Variants in UBTD1 observed in about 807,000 individuals in gnomAD.
UBTD1 encodes the protein ubiquitin domain-containing protein 1.
A neutral mutation model predicts 21.7 loss-of-function variants in UBTD1; 19 were observed. The ratio of observed to expected loss-of-function variants is 0.87; its 90% confidence interval spans 0.61 to 1.28. UBTD1 has a LOEUF of 1.28. Ranked by LOEUF, UBTD1 falls within the 50% of genes most tolerant of loss-of-function variation. The pLI, the probability that UBTD1 is intolerant of heterozygous loss-of-function variation, is 0.00. For synonymous variants in UBTD1, 116 were observed against 135.1 expected (o/e 0.86, Z 0.98); for missense variants, 282 against 315.1 (o/e 0.89, Z 0.80).
chr10:97,559,777 C>T (rs558617508), intron 1 of UBTD1, among the ~76,000 whole-genome samples: 121 of 152,056 alleles, frequency 8.0e-4, no homozygotes, highest in African/African-American at 2.6e-3. Flanking sequence ...TCCAGTTCAC[C>T]GAAAAACTGG....
chr10:97,516,036 A>G (rs1370109162), intron 1 of UBTD1, among the ~76,000 whole-genome samples: 3 of 152,218 alleles, frequency 2.0e-5, no homozygotes, highest in East Asian at 1.9e-4. Context: ...ACAATGAAAG[A>G]AGTGACCCTC....
chr10:97,534,579 GCACACACA>G lies in UBTD1; in HGVS notation c.71-33309_71-33302del, dbSNP rs58308271. On this transcript the variant is annotated intron_variant, in intron 1 of 2. Coordinates refer to ENST00000370664, the MANE Select transcript of UBTD1 (RefSeq NM_024954.5). ...CACTAAGGAACACACACGCGCGCGC[GCACACACA>G]CACACACACACACACACACACACAC... Among the ~76,000 whole-genome samples, 525 of 144,958 alleles carry G rather than the reference GCACACACA, an allele frequency of 3.6e-3. 1 individual carries two copies. Among genetic ancestry groups the G allele is most frequent in the African/African-American group, 5.8e-3 (220 of 38,066 alleles).
At chr10:97,542,582 C>T (rs1270092989) in intron 1 of UBTD1, among the ~76,000 whole-genome samples, 1 of 152,204 alleles carries the variant, frequency 6.6e-6, no homozygotes. Context: ...AGACTGGGCC[C>T]CAGGCTGAGT....
chr10:97,546,482 G>A (rs905692752), intron 1 of UBTD1, among the ~76,000 whole-genome samples: 18 of 151,962 alleles, frequency 1.2e-4, no homozygotes, highest in Non-Finnish European at 2.5e-4. Flanking sequence ...CCCAGCTACT[G>A]GGGAAGCTGA....
At chr10:97,527,878 G>A (rs1423090048) in intron 1 of UBTD1, among the ~76,000 whole-genome samples, 1 of 152,218 alleles carries the variant, frequency 6.6e-6, no homozygotes, top group Non-Finnish European at 1.5e-5. Context: ...GCAACCATCC[G>A]ATTTCTCAAT....
intron 1 of UBTD1, among the ~76,000 whole-genome samples, chr10:97,554,434 A>G (rs576000383): frequency 2.0e-5 from 3 of 151,862 alleles, no homozygotes; most frequent in African/African-American, 7.3e-5. Flanking sequence ...TTTAGTAGAT[A>G]TGGTGTTTTT....
rs200375098 is a variant in UBTD1 at position 97,570,272 on chromosome 10, G to A, written c.433G>A (p.Val145Met). ...SLEPPEPPPS[V>M]RREFPLKVRL... ...GGAGCCCCCCGAGCCTCCACCCAGC[G>A]TGCGCCGTGAGTTCCCGCTGAAGGT... Residue 145 changes from valine to methionine, a missense_variant, in exon 3 of 3, where the codon GTG (valine) becomes ATG (methionine). Transcript: ENST00000370664. This position sits in a 1 kb window ranked among gnomAD's most constrained non-coding sequence, Gnocchi z 6.6. 72 of 1,613,138 alleles carry A rather than the reference G, an allele frequency of 4.5e-5. No individual in the cohort carries two copies. The East Asian group carries it at 7.1e-4, about 16-fold the overall frequency.
At chr10:97,534,410 A>G (rs1589875431) in intron 1 of UBTD1, among the ~76,000 whole-genome samples, 1 of 152,186 alleles carries the variant, frequency 6.6e-6, no homozygotes, top group East Asian at 1.9e-4. Flanking sequence ...AGCTAGAAAC[A>G]GTCTTTCCTT....
chr10:97,559,523 CA>C, intron 1 of UBTD1, among the ~76,000 whole-genome samples: 1 of 152,258 alleles, frequency 6.6e-6, no homozygotes, highest in East Asian at 1.9e-4. Context: ...GAAAACTCAA[CA>C]CCATTTTATA....
chr10:97,545,438 G>C (rs1341578286), intron 1 of UBTD1, among the ~76,000 whole-genome samples: 2 of 150,514 alleles, frequency 1.3e-5, no homozygotes, highest in African/African-American at 4.8e-5. Flanking sequence ...GTGGGTGTGT[G>C]TGTGTGTGTG....
At chr10:97,533,682 G>C (rs2040544576) in intron 1 of UBTD1, among the ~76,000 whole-genome samples, 1 of 152,082 alleles carries the variant, frequency 6.6e-6, no homozygotes, top group African/African-American at 2.4e-5. Context: ...CCAGCACTTT[G>C]GGGGACTGAG....
chr10:97,514,728 G>A (rs1165763253), intron 1 of UBTD1, among the ~76,000 whole-genome samples: 1 of 152,146 alleles, frequency 6.6e-6, no homozygotes, highest in Non-Finnish European at 1.5e-5. Context: ...TGATGAAGGA[G>A]TTGGTCTGGG....
rs770328909 is a variant in UBTD1, at chr10:97,568,013, C to T, written c.170C>T (p.Thr57Ile). The change falls in exon 2 of 3, where the codon ACA (threonine) becomes ATA (isoleucine). Residue 57 changes from threonine to isoleucine, a missense_variant. Thr to Ile is a moderately conservative substitution (Grantham distance 89). Coordinates refer to ENST00000370664, the MANE Select transcript of UBTD1 (RefSeq NM_024954.5). ...LRSKRDEFWD[T>I]APAFEGRKEI... ...AGCAAACGGGATGAGTTCTGGGACACAGCGCCTGCCTTCGAGGGCCGCAAG... is the reference window on the plus strand; with the variant it reads ...AGCAAACGGGATGAGTTCTGGGACATAGCGCCTGCCTTCGAGGGCCGCAAG... 3.5e-5 allele frequency: 56 copies of T among 1,614,006 alleles called. No homozygotes were observed. The highest frequency in any genetic ancestry group is 4.5e-5 in the Non-Finnish European group (53 of 1,180,056).
intron 1 of UBTD1, among the ~76,000 whole-genome samples, chr10:97,511,940 G>T (rs1349663861): frequency 6.6e-6 from 1 of 152,158 alleles, no homozygotes; most frequent in Non-Finnish European, 1.5e-5. Context: ...TGAGACACTT[G>T]CTCATGAGAG....
At chr10:97,510,569 A>G (rs141609062) in intron 1 of UBTD1, among the ~76,000 whole-genome samples, 1 of 152,180 alleles carries the variant, frequency 6.6e-6, no homozygotes, top group Non-Finnish European at 1.5e-5. Flanking sequence ...CATATTACCT[A>G]CTCAGTAAGC....
chr10:97,524,118 G>T (rs1042294158), intron 1 of UBTD1, among the ~76,000 whole-genome samples: 2 of 152,076 alleles, frequency 1.3e-5, no homozygotes, highest in Non-Finnish European at 2.9e-5. Flanking sequence ...GCTCCTTATG[G>T]GTTCCTCGCT....
rs566986189 is a variant in UBTD1, at chr10:97,563,489, G to T, written c.71-4425G>T. On this transcript the variant is annotated intron_variant, in intron 1 of 2. Transcript: ENST00000370664. ...GTGAGTAGATTGATAGTGTGGTGGA[G>T]ATAGGTAGGGAGAGGTAGAGAGTGA... 9.9e-5 allele frequency among the ~76,000 whole-genome samples: 15 copies of T among 152,258 alleles called. No individual in the cohort carries two copies. The East Asian group carries it at 2.9e-3, about 29-fold the overall frequency.
intron 1 of UBTD1, among the ~76,000 whole-genome samples, chr10:97,534,574 C>T (rs961196194): frequency 1.5e-4 from 8 of 53,036 alleles, no homozygotes; most frequent in South Asian, 1.1e-3. Context: ...CACACACGCG[C>T]GCGCGCACAC....
chr10:97,542,497 C>G (rs1221435293), intron 1 of UBTD1, among the ~76,000 whole-genome samples: 21 of 152,222 alleles, frequency 1.4e-4, no homozygotes, highest in Admixed American at 1.4e-3. Flanking sequence ...CTGGAGGGCC[C>G]TGGCTCAGCC....
Sources: gnomAD v4.1 joint callset for allele counts (sites outside exome capture counted in the v4.1 genomes callset) on GRCh38, gnomAD v4.1.1 for gene constraint, Gnocchi (gnomAD v3.1) non-coding constraint, MANE v1.5 for transcripts, NCBI Gene and HGNC (gene_info 2026-07-23, HGNC 2026-07-21) for gene names.